Variants in FAM83H observed in about 807,000 individuals in gnomAD.
FAM83H encodes protein FAM83H.
In FAM83H, 24 loss-of-function variants were observed where a neutral mutation model predicts 30.2. The observed-to-expected ratio is 0.79, with a 90% CI of 0.57 to 1.12. The LOEUF (loss-of-function observed/expected upper bound fraction) is 1.12. Among genes scored for constraint, FAM83H ranks in the 50% most tolerant of loss-of-function variants. The pLI, the probability that FAM83H is intolerant of heterozygous loss-of-function variation, is 0.00. For synonymous variants in FAM83H, 1,013 were observed against 821.7 expected, an observed-to-expected ratio of 1.23 and a Z score of -3.98; for missense variants, 2,038 against 1,773.9, an observed-to-expected ratio of 1.15 and a Z score of -2.67.
chr8:143,726,634 C>T lies in FAM83H; in HGVS notation c.2827G>A (p.Gly943Arg), dbSNP rs782042007. 5 of 1,598,450 alleles carry T rather than the reference C, an allele frequency of 3.1e-6. No individual in the cohort carries two copies. The highest frequency in any genetic ancestry group is 2.2e-5 in the East Asian group (1 of 44,760). Residue 943 changes from glycine to arginine, a missense_variant, in exon 5 of 5, where the codon GGG (glycine) becomes AGG (arginine). By Grantham distance (125) the Gly-to-Arg change is moderately radical. Transcript: ENST00000388913. ...GCGGGCCCGGCCTTCGGGGACTCCCCGGAGATGGTAAGGGTGAGGCTGCCC... is the reference window on the plus strand; with the variant it reads ...GCGGGCCCGGCCTTCGGGGACTCCCTGGAGATGGTAAGGGTGAGGCTGCCC... ...RRGSLTLTIS[G>R]ESPKAGPAEE...
rs1818202797 is a variant in FAM83H, at chr8:143,724,288, G to A, written c.*1633C>T. The A allele has an allele frequency of 6.6e-6, 1 of 152,226 alleles. No individual in the cohort carries two copies. The highest frequency in any genetic ancestry group is 6.5e-5 in the Admixed American group (1 of 15,286). The allele number at this position is 152,226 out of a possible 1,614,324, so 9.4% of individuals were successfully genotyped here. ...TTTCCTTCCTTTCCCAGCTGCTGGA[G>A]TCGGAACTGCTGCCTTTGTTTGGCG... On this transcript the variant is annotated 3_prime_UTR_variant, in exon 5 of 5. Coordinates refer to ENST00000388913, the MANE Select transcript of FAM83H (RefSeq NM_198488.5).
chr8:143,729,430 T>C, intron 2 of FAM83H, 107 bp from the exon 3 acceptor site: 1 of 1,270,730 alleles, frequency 7.9e-7, no homozygotes, highest in Non-Finnish European at 1.1e-6. Context: ...ACGACCACTG[T>C]GAAACAAGCT....
chr8:143,727,956 G>C lies in FAM83H; in HGVS notation c.1505C>G (p.Pro502Arg). 1.3e-6 allele frequency: 2 copies of C among 1,559,042 alleles called. No homozygotes were observed. Among genetic ancestry groups the C allele is most frequent in the South Asian group, 1.2e-5 (1 of 86,526 alleles). ...GTAGTCCAGCCGCTGGTGCCCGTCG[G>C]GTCCGAGCTCCGGGAAGCGGGGCCC... The part of the protein sequence containing the change: ...GAGPRFPELG[P>R]DGHQRLDYVP... Residue 502 changes from proline (P) to arginine (R), a missense_variant, in exon 5 of 5, where the codon CCC becomes CGC. Physicochemically the swap from Pro to Arg is moderately radical, Grantham distance 103. Transcript: ENST00000388913.
rs1411806537 is a variant in FAM83H at position 143,729,078 on chromosome 8, C to T, written c.626G>A (p.Arg209Gln). 6.2e-7 allele frequency: 1 copy of T among 1,613,670 alleles called. No homozygotes were observed. The highest frequency in any genetic ancestry group is 1.3e-5 in the African/African-American group (1 of 75,014). Residue 209 changes from arginine to glutamine, a missense_variant, in exon 4 of 5, where the codon CGG (arginine) becomes CAG (glutamine). Transcript: ENST00000388913. The stretch of plus-strand genomic sequence containing the variant: ...GTAGTAGGTGGGGCCCGCCACAGTC[C>T]GTACGCGCAGGAACTGGGGAGGGAG... ...NLQHVDFLRV[R>Q]TVAGPTYYCR... is the part of the protein sequence containing the mutation.
At position 143,730,562 on chromosome 8, in the gene FAM83H, G is replaced by A; in HGVS notation, c.21C>T (p.Ser7=). Reference sequence around the variant, plus strand: ...CCAGTGGGTTGTCCCCCTGCGAGGAGCTCTGAGAGCGACGGGCCATGTTGG... The same window carrying A: ...CCAGTGGGTTGTCCCCCTGCGAGGAACTCTGAGAGCGACGGGCCATGTTGG... The part of the protein sequence containing the change: MARRSQ[S]SSQGDNPLAP... The change falls in exon 2 of 5, where the codon AGC becomes AGT. Residue 7 remains serine, a synonymous_variant. Transcript: ENST00000388913. The A allele has an allele frequency of 6.4e-7, 1 of 1,556,062 alleles. No individual in the cohort carries two copies. Among genetic ancestry groups the A allele is most frequent in the Non-Finnish European group, 8.7e-7 (1 of 1,151,792 alleles).
At chr8:143,731,122 C>A (rs1818503200) in intron 1 of FAM83H, among the ~76,000 whole-genome samples, 1 of 150,170 alleles carries the variant, frequency 6.7e-6, no homozygotes, top group African/African-American at 2.5e-5. Flanking sequence ...AAACGAACCC[C>A]CCCCCCCAAA....
At chr8:143,728,866 G>A in intron 4 of FAM83H, 101 bp downstream of exon 4, 3 of 1,601,830 alleles carry the variant, frequency 1.9e-6, no homozygotes, top group East Asian at 2.2e-5. Flanking sequence ...GGGTCTACAG[G>A]ACAAGGGCTC....
chr8:143,727,008 T>TGCGCCGCGGTGA lies in FAM83H; in HGVS notation c.2441_2452dup (p.Leu814_Ala817dup), dbSNP rs782126115. The TGCGCCGCGGTGA allele has an allele frequency of 1.9e-6, 3 of 1,578,108 alleles. No homozygotes were observed. The highest frequency in any genetic ancestry group is 1.1e-5 in the South Asian group (1 of 88,176). On this transcript the variant is annotated inframe_insertion, in exon 5 of 5. Transcript: ENST00000388913. ...GCTCCGGCCCAGTGTGTCGAGCAGC[T>TGCGCCGCGGTGA]GCGCCGCGGTGAGCGACGCGGCTCC...
rs781963987 is a variant in FAM83H, at chr8:143,729,008, G to A, written c.696C>T (p.Phe232=). The A allele has an allele frequency of 1.9e-6, 3 of 1,613,726 alleles. No individual in the cohort carries two copies. The highest frequency in any genetic ancestry group is 1.7e-5 in the Admixed American group (1 of 60,032). Residue 232 remains phenylalanine (F), a synonymous_variant, in exon 4 of 5, where the codon TTC becomes TTT. Transcript: ENST00000388913. ...KSFKGHVKEK[F]LLVDCAVVMS... is the part of the protein sequence containing the mutation. ...TCACCACGGCACAGTCCACCAGCAG[G>A]AACTTCTCCTTGACGTGGCCCTTGA...
rs781934743 is a variant in FAM83H at position 143,726,767 on chromosome 8, G to A, written c.2694C>T (p.Ile898=). The A allele has an allele frequency of 2.0e-5, 32 of 1,611,590 alleles. 1 individual carries two copies. Among genetic ancestry groups the A allele is most frequent in the Non-Finnish European group, 2.4e-5 (28 of 1,179,388 alleles). ...CTGAGGTGGGGCTCCCCTTCTGCTC[G>A]ATAAATCCTGTAGTTGGACTTCCTC... ...TRRGSPTTGF[I]EQKGSPTSAY... Residue 898 remains isoleucine (I), a synonymous_variant, in exon 5 of 5, where the codon ATC becomes ATT. Transcript: ENST00000388913.
At chr8:143,728,840 C>CGGCAA in intron 4 of FAM83H, 117 bp from the exon 5 acceptor site, 1 of 1,596,640 alleles carries the variant, frequency 6.3e-7, no homozygotes, top group Non-Finnish European at 8.5e-7. Context: ...GACCTGGGCC[C>CGGCAA]GGCTAGGCTG....
rs782026047 is a variant in FAM83H at position 143,727,369 on chromosome 8, C to T, written c.2092G>A (p.Gly698Arg). ...FSTSQAEGAA[G>R]AAAATEKVQL... ...ACCTTCTCAGTGGCCGCCGCAGCCCCGGCCGCGCCCTCGGCCTGTGACGTG... is the reference window on the plus strand; with the variant it reads ...ACCTTCTCAGTGGCCGCCGCAGCCCTGGCCGCGCCCTCGGCCTGTGACGTG... The change falls in exon 5 of 5, where the codon GGG (glycine) becomes AGG (arginine). Residue 698 changes from glycine to arginine, a missense_variant. Coordinates refer to ENST00000388913, the MANE Select transcript of FAM83H (RefSeq NM_198488.5). The T allele has an allele frequency of 2.5e-6, 4 of 1,569,724 alleles. No homozygotes were observed. In the South Asian group the frequency reaches 3.4e-5, roughly 13 times the overall value.
At chr8:143,728,829 G>A in intron 4 of FAM83H, 106 bp from the exon 5 acceptor site, 1 of 1,594,128 alleles carries the variant, frequency 6.3e-7, no homozygotes, top group Non-Finnish European at 8.5e-7. Context: ...AGGTCTGCAA[G>A]GACCTGGGCC....
rs1818270867 is a variant in FAM83H, at chr8:143,725,915, G to A, written c.*6C>T. 1 of 1,612,614 alleles carries A rather than the reference G, an allele frequency of 6.2e-7. No homozygotes were observed. The highest frequency in any genetic ancestry group is 8.5e-7 in the Non-Finnish European group (1 of 1,179,822). On this transcript the variant is annotated 3_prime_UTR_variant, in exon 5 of 5. Transcript: ENST00000388913. The stretch of plus-strand genomic sequence containing the variant: ...CACCCTGGCCTGGGTTGCCAGGCCA[G>A]AAGACTCACTTCTTGCTTTTGAACG...
Position 143,726,756 on chromosome 8 carries a change from C to A in FAM83H, c.2705G>T (p.Gly902Val). The A allele has an allele frequency of 6.2e-7, 1 of 1,612,436 alleles. No individual in the cohort carries two copies. The change falls in exon 5 of 5, where the codon GGG becomes GTG. Residue 902 changes from glycine (G) to valine (V), a missense_variant. Physicochemically the swap from Gly to Val is moderately radical, Grantham distance 109. Transcript: ENST00000388913. ...SPTTGFIEQK[G>V]SPTSAYPERR... The stretch of plus-strand genomic sequence containing the variant: ...CTCGGGGTAGGCTGAGGTGGGGCTC[C>A]CCTTCTGCTCGATAAATCCTGTAGT...
At position 143,729,255 on chromosome 8, in the gene FAM83H, G is replaced by C. The variant is rs781786230; in HGVS notation, c.516C>G (p.Ala172=). ...GCAGGATGTAGACTGGGACCCGACG[G>C]GCCGCGGCCTCCAGCACTTCGCTGA... ...DLLSEVLEAA[A]RRVPVYILLD... The change falls in exon 3 of 5, where the codon GCC becomes GCG. Residue 172 remains alanine (A), a synonymous_variant. Coordinates refer to ENST00000388913, the MANE Select transcript of FAM83H (RefSeq NM_198488.5). 2.6e-5 allele frequency: 42 copies of C among 1,613,262 alleles called. 2 individuals carry two copies. In the Middle Eastern group the frequency reaches 4.9e-4, roughly 19 times the overall value.
In FAM83H at chr8:143,728,718, A is replaced by G. The variant is rs1554623578; in HGVS notation, c.743T>C (p.Met248Thr). The G allele has an allele frequency of 6.3e-7, 1 of 1,599,314 alleles. No individual in the cohort carries two copies. The highest frequency in any genetic ancestry group is 8.5e-7 in the Non-Finnish European group (1 of 1,179,856). ...GCGGTGGATCTTCTCAAAGGACCAC[A>G]TGAAGCTGTGGGGGGGTCAGGGCCA... is the stretch of plus-strand genomic sequence containing the variant. ...AVVMSGSYSF[M>T]WSFEKIHRSL... is the part of the protein sequence containing the mutation. Residue 248 changes from methionine to threonine, a missense_variant, in exon 5 of 5, where the codon ATG (methionine) becomes ACG (threonine). By Grantham distance (81) the Met-to-Thr change is moderately conservative (BLOSUM62 -1). Transcript: ENST00000388913.
chr8:143,728,896 T>G, intron 4 of FAM83H, 71 bp downstream of exon 4: 1 of 1,609,316 alleles, frequency 6.2e-7, no homozygotes, highest in Non-Finnish European at 8.5e-7. Flanking sequence ...AGGGCCCTGG[T>G]GTGGAAAGGG....
In FAM83H at chr8:143,728,571, T is replaced by C. The variant is rs1818398726; in HGVS notation, c.890A>G (p.Tyr297Cys). 6.3e-7 allele frequency: 1 copy of C among 1,595,174 alleles called. No homozygotes were observed. Among genetic ancestry groups the C allele is most frequent in the African/African-American group, 1.3e-5 (1 of 74,534 alleles). ...SAAALARMDA[Y>C]ALAPYAGAGP... ...GGCCCCGGCATACGGAGCCAGGGCA[T>C]AGGCGTCCATGCGGGCCAGGGCCGC... is the stretch of plus-strand genomic sequence containing the variant. The change falls in exon 5 of 5, where the codon TAT (tyrosine) becomes TGT (cysteine). Residue 297 changes from tyrosine to cysteine, a missense_variant. Transcript: ENST00000388913.
Sources: gnomAD v4.1 joint callset for allele counts (sites outside exome capture counted in the v4.1 genomes callset) on GRCh38, gnomAD v4.1.1 for gene constraint, MANE v1.5 for transcripts, NCBI Gene and HGNC (gene_info 2026-07-23, HGNC 2026-07-21) for gene names.